The following CDH8 variants were observed in gnomAD, a reference collection of about 807,000 sequenced individuals.
The protein encoded by CDH8 is cadherin-8.
A neutral mutation model predicts 68.1 loss-of-function variants in CDH8; 17 were observed. The ratio of observed to expected loss-of-function variants is 0.25; its 90% confidence interval spans 0.17 to 0.37. The LOEUF (loss-of-function observed/expected upper bound fraction) is 0.37. Among genes scored for constraint, CDH8 ranks in the 10% least tolerant of loss-of-function variants. The probability of loss-of-function intolerance (pLI) is 1.00; values close to 1 mark genes in which losing one functional copy is unlikely to be tolerated. For missense variants in CDH8, 763 were observed against 999.3 expected (o/e 0.76, Z 3.19); for synonymous variants, 372 against 365.1 (o/e 1.02, Z -0.21).
intron 5 of CDH8, among the ~76,000 whole-genome samples, chr16:61,823,006 T>C (rs146522677): frequency 0.011 from 1,658 of 152,054 alleles, 23 homozygotes; most frequent in Middle Eastern, 0.044. Flanking sequence ...TTTCTTATAA[T>C]GAAATATGGC....
chr16:61,701,997 T>C (rs1964438195), intron 10 of CDH8, among the ~76,000 whole-genome samples: 1 of 152,190 alleles, frequency 6.6e-6, no homozygotes, highest in Non-Finnish European at 1.5e-5. Context: ...TTCGTTAAAT[T>C]TAGAACGGAA....
intron 3 of CDH8, among the ~76,000 whole-genome samples, chr16:61,895,108 T>A (rs1004844428): frequency 6.6e-6 from 1 of 152,166 alleles, no homozygotes; most frequent in Non-Finnish European, 1.5e-5. Context: ...GAAAATTATA[T>A]AATACCTCCC....
At chr16:61,729,886 C>T (rs1256032079) in intron 8 of CDH8, among the ~76,000 whole-genome samples, 1 of 151,344 alleles carries the variant, frequency 6.6e-6, no homozygotes, top group Non-Finnish European at 1.5e-5. Flanking sequence ...GAAAAAATTG[C>T]TAATTTTACA....
chr16:61,685,692 G>A (rs1178728845), intron 10 of CDH8, among the ~76,000 whole-genome samples: 1 of 151,842 alleles, frequency 6.6e-6, no homozygotes, highest in East Asian at 1.9e-4. Flanking sequence ...GCATAGCAAG[G>A]TCAATTTATT....
Position 62,022,901 on chromosome 16 carries a change from C to T in CDH8, c.-199-1299G>A, listed in dbSNP as rs117550957. ...CTTTGCCTGGGCTCAGCTCAATCAC[C>T]GGGACTCTATAATTTAAAAGGGCTT... is the stretch of plus-strand genomic sequence containing the variant. On this transcript the variant is annotated intron_variant, in intron 1 of 11. Coordinates refer to ENST00000577390, the MANE Select transcript of CDH8 (RefSeq NM_001796.5). Among the ~76,000 whole-genome samples, 12 of 152,052 alleles carry T rather than the reference C, an allele frequency of 7.9e-5. No homozygotes were observed. In the East Asian group the frequency reaches 2.1e-3, roughly 27 times the overall value.
chr16:61,869,031 C>T (rs189030426), intron 3 of CDH8, among the ~76,000 whole-genome samples: 3 of 152,158 alleles, frequency 2.0e-5, no homozygotes, highest in Admixed American at 1.3e-4. Flanking sequence ...TGACGCAGAC[C>T]ATATTCTTAA....
At chr16:61,934,305 C>T (rs942018032) in intron 2 of CDH8, 12 of 151,934 alleles carry the variant, frequency 7.9e-5, no homozygotes, top group Non-Finnish European at 1.5e-4. Context: ...CACCTTCAAG[C>T]CTTCCCTCCT....
intron 8 of CDH8, among the ~76,000 whole-genome samples, chr16:61,780,783 T>C (rs1470774520): frequency 6.6e-6 from 1 of 152,220 alleles, no homozygotes. Context: ...TCATAGTAAT[T>C]TCAATTTTTT....
At chr16:61,889,188 G>A (rs1437901360) in intron 3 of CDH8, among the ~76,000 whole-genome samples, 1 of 152,028 alleles carries the variant, frequency 6.6e-6, no homozygotes, top group Non-Finnish European at 1.5e-5. Flanking sequence ...TTGTCATGAG[G>A]TCTAATAACA....
At chr16:61,999,007 A>C (rs1336823081) in intron 2 of CDH8, among the ~76,000 whole-genome samples, 1 of 152,182 alleles carries the variant, frequency 6.6e-6, no homozygotes, top group Admixed American at 6.5e-5. Context: ...TAAGTACAAG[A>C]GTCTCATTAG....
At chr16:61,705,783 G>A (rs765986231) in intron 10 of CDH8, among the ~76,000 whole-genome samples, 1 of 152,208 alleles carries the variant, frequency 6.6e-6, no homozygotes, top group Non-Finnish European at 1.5e-5. Flanking sequence ...GTTAGACTAT[G>A]TGATAATTCC....
intron 7 of CDH8, among the ~76,000 whole-genome samples, chr16:61,804,563 G>A (rs917899264): frequency 6.7e-6 from 1 of 148,488 alleles, no homozygotes; most frequent in African/African-American, 2.5e-5. Flanking sequence ...AAAATTGATA[G>A]ACCACTAGCA....
Position 61,650,706 on chromosome 16 carries a change from T to TGTGAGAGAGAGAGAGAGA in CDH8, c.*2901_*2902insTCTCTCTCTCTCTCTCAC, listed in dbSNP as rs745949180. 9.4e-5 allele frequency: 11 copies of TGTGAGAGAGAGAGAGAGA among 116,678 alleles called. No homozygotes were observed. Among genetic ancestry groups the TGTGAGAGAGAGAGAGAGA allele is most frequent in the African/African-American group, 1.7e-4 (5 of 29,868 alleles). The allele number at this position is 116,678 out of a possible 1,614,324, so 7.2% of individuals were successfully genotyped here. A position where few individuals can be genotyped will look rare whatever the true frequency, so the allele number is the denominator to read the frequency against. ...GTGTGTGTGTGTGTGTGTGTGTGTGTGAGAGAGAGAGAGAGAGAGAGAGAG... is the reference window on the plus strand; with the variant it reads ...GTGTGTGTGTGTGTGTGTGTGTGTGTGTGAGAGAGAGAGAGAGAGAGAGAGAGAGAGAGAGAGAGAGAG... On this transcript the variant is annotated 3_prime_UTR_variant, in exon 12 of 12. Transcript: ENST00000577390.
chr16:61,668,652 C>T (rs1963727769), intron 10 of CDH8, among the ~76,000 whole-genome samples: 1 of 145,754 alleles, frequency 6.9e-6, no homozygotes, highest in African/African-American at 2.6e-5. Context: ...ATTTTGTCAG[C>T]ACATAAACCA....
intron 10 of CDH8, chr16:61,692,398 T>C (rs746255476): frequency 2.6e-5 from 4 of 152,142 alleles, no homozygotes; most frequent in African/African-American, 7.2e-5. Flanking sequence ...TTGCTATTTT[T>C]TAAAATTTCC....
intron 3 of CDH8, among the ~76,000 whole-genome samples, chr16:61,863,822 G>A (rs1269234209): frequency 6.6e-6 from 1 of 152,110 alleles, no homozygotes; most frequent in Non-Finnish European, 1.5e-5. Flanking sequence ...TCCAAGTGCA[G>A]TATGTACAAT....
At chr16:61,838,168 CCTT>C (rs1311804271) in intron 4 of CDH8, among the ~76,000 whole-genome samples, 3 of 151,828 alleles carry the variant, frequency 2.0e-5, no homozygotes, top group East Asian at 3.9e-4. Flanking sequence ...TCTTTTTTAT[CCTT>C]CTCTAGATTT....
chr16:61,792,864 T>G (rs892760371), intron 7 of CDH8, among the ~76,000 whole-genome samples: 9 of 151,990 alleles, frequency 5.9e-5, no homozygotes, highest in African/African-American at 2.2e-4. Context: ...TGAAGGGCCC[T>G]CATATCATTT....
chr16:61,904,924 A>G (rs2143287846), intron 2 of CDH8, among the ~76,000 whole-genome samples: 1 of 152,380 alleles, frequency 6.6e-6, no homozygotes, highest in Non-Finnish European at 1.5e-5. Context: ...CAGCAGTGGC[A>G]TTAGATTCTC....
Sources: gnomAD v4.1 joint callset for allele counts (sites outside exome capture counted in the v4.1 genomes callset) on GRCh38, gnomAD v4.1.1 for gene constraint, MANE v1.5 for transcripts, NCBI Gene and HGNC (gene_info 2026-07-23, HGNC 2026-07-21) for gene names.